CHST15: variants seen among roughly 807,000 people sequenced by gnomAD.
CHST15 encodes the protein B cell RAG associated protein (GALNAC4S-6ST).
A neutral mutation model predicts 53.6 loss-of-function variants in CHST15; 30 were observed. The ratio of observed to expected loss-of-function variants is 0.56; its 90% CI spans 0.42 to 0.76. CHST15 has a LOEUF of 0.76. Among genes scored for constraint, CHST15 ranks in the 30% least tolerant of loss-of-function variants. The pLI is 0.00. For synonymous variants in CHST15, 296 were observed against 289.8 expected (o/e 1.02, Z -0.22); for missense variants, 627 against 740.5 (o/e 0.85, Z 1.78).
intron 1 of CHST15, among the ~76,000 whole-genome samples, chr10:124,048,867 A>G (rs781491945): frequency 6.6e-6 from 1 of 152,204 alleles, no homozygotes; most frequent in Non-Finnish European, 1.5e-5. Context: ...TTCCTAAACA[A>G]GGGCAGGGGC....
chr10:124,012,524 C>A, intron 6 of CHST15, 44 bp from the exon 7 acceptor site: 1 of 1,586,350 alleles, frequency 6.3e-7, no homozygotes, highest in Non-Finnish European at 8.6e-7. Context: ...GCAGTTGCCC[C>A]AACACCATAG....
At chr10:124,015,800 C>G (rs554470586) in intron 6 of CHST15, among the ~76,000 whole-genome samples, 1 of 152,306 alleles carries the variant, frequency 6.6e-6, no homozygotes, top group East Asian at 1.9e-4. Context: ...CAGACTTCCG[C>G]GATCACCTTG....
intron 1 of CHST15, among the ~76,000 whole-genome samples, chr10:124,060,261 T>G (rs1473421316): frequency 7.0e-6 from 1 of 142,226 alleles, no homozygotes; most frequent in African/African-American, 2.7e-5. Context: ...CCCCCAGGAG[T>G]GTGCAGAAGT....
At chr10:124,065,306 C>G (rs545340984) in intron 1 of CHST15, among the ~76,000 whole-genome samples, 1 of 152,266 alleles carries the variant, frequency 6.6e-6, no homozygotes, top group South Asian at 2.1e-4. Flanking sequence ...TCTCTTGAAC[C>G]AGGAGATCCA....
chr10:124,041,899 T>C (rs560686419), intron 4 of CHST15, among the ~76,000 whole-genome samples: 109 of 152,228 alleles, frequency 7.2e-4, no homozygotes, highest in South Asian at 6.2e-3. Flanking sequence ...TGGCCAGGGA[T>C]TACAAAAGCC....
rs1235760879 is a variant in CHST15 at position 124,019,080 on chromosome 10, A to T, written c.1347+2176T>A. Among the ~76,000 whole-genome samples, 1 of 152,184 alleles carries T rather than the reference A, an allele frequency of 6.6e-6. No homozygotes were observed. Among genetic ancestry groups the T allele is most frequent in the Non-Finnish European group, 1.5e-5 (1 of 68,034 alleles). The stretch of plus-strand genomic sequence containing the variant: ...TGAAGGTCCTCCATGCGAGGCCTGC[A>T]GGATGGAAGAGCCACCTGCACCAGG... On this transcript the variant is annotated intron_variant, in intron 6 of 7. Coordinates refer to ENST00000435907, the MANE Select transcript of CHST15 (RefSeq NM_001270764.2). The surrounding 1 kb of genome is among the most constrained non-coding windows in gnomAD (Gnocchi z 4.6).
At chr10:124,086,975 G>A (rs992743212) in intron 1 of CHST15, among the ~76,000 whole-genome samples, 1 of 152,138 alleles carries the variant, frequency 6.6e-6, no homozygotes, top group Non-Finnish European at 1.5e-5. Flanking sequence ...TCTAACACCT[G>A]GGCTAAAAGA....
At chr10:124,039,530 G>A (rs1442051218) in intron 4 of CHST15, among the ~76,000 whole-genome samples, 2 of 152,240 alleles carry the variant, frequency 1.3e-5, no homozygotes, top group African/African-American at 2.4e-5. Context: ...TGTCTCCTGC[G>A]AGGCGACTGC....
rs773346540 is a variant in CHST15 at position 124,042,253 on chromosome 10, G to A, written c.1033+48C>T. 3.3e-5 allele frequency: 52 copies of A among 1,566,572 alleles called. 1 individual carries two copies. The South Asian group carries it at 5.8e-4, about 17-fold the overall frequency. On this transcript the variant is annotated intron_variant, in intron 4 of 7. Transcript: ENST00000435907. ...GGGCTAGGCCTGGAGCCAGAGCCAG[G>A]ACCCCAGGGAGGGTGCTAGCCCTGC...
intron 1 of CHST15, among the ~76,000 whole-genome samples, chr10:124,082,885 C>A (rs1442602388): frequency 2.0e-5 from 3 of 152,128 alleles, no homozygotes; most frequent in Non-Finnish European, 4.4e-5. Context: ...TGGACAGAGA[C>A]AAGAAGTAGA....
intron 1 of CHST15, among the ~76,000 whole-genome samples, chr10:124,051,826 A>G (rs1948210671): frequency 6.6e-6 from 1 of 152,220 alleles, no homozygotes; most frequent in African/African-American, 2.4e-5. Flanking sequence ...ACCCAGAAAT[A>G]CCACTTTAGA....
chr10:124,062,509 G>C (rs186472393), intron 1 of CHST15, among the ~76,000 whole-genome samples: 1 of 152,106 alleles, frequency 6.6e-6, no homozygotes, highest in East Asian at 1.9e-4. Context: ...GGAGATTAAC[G>C]GCAGTACCGA....
At chr10:124,020,235 G>A (rs1946725929) in intron 6 of CHST15, 1 of 985,490 alleles carries the variant, frequency 1.0e-6, no homozygotes, top group Non-Finnish European at 1.2e-6. Flanking sequence ...GTATGACAAA[G>A]CAACTGAGTC....
At chr10:124,083,024 C>T (rs1564916076) in intron 1 of CHST15, among the ~76,000 whole-genome samples, 1 of 152,186 alleles carries the variant, frequency 6.6e-6, no homozygotes, top group South Asian at 2.1e-4. Flanking sequence ...AGTGGTTGCA[C>T]GTATCTGTCA....
chr10:124,042,627 G>A (rs771419599), intron 3 of CHST15, among the ~76,000 whole-genome samples, 180 bp from the exon 4 acceptor site: 6 of 152,148 alleles, frequency 3.9e-5, no homozygotes, highest in Admixed American at 2.0e-4. Context: ...GGGTCTATGC[G>A]GCCTGGCTAC....
intron 3 of CHST15, 86 bp from the exon 4 acceptor site, chr10:124,042,533 T>A (rs1055952112): frequency 2.7e-6 from 4 of 1,490,070 alleles, no homozygotes; most frequent in Non-Finnish European, 9.2e-7. Context: ...CAAAGAGAGA[T>A]GGAAAGGCCT....
At chr10:124,045,137 A>AAAAAAAAAAC (rs1947944317) in intron 2 of CHST15, among the ~76,000 whole-genome samples, 1 of 144,366 alleles carries the variant, frequency 6.9e-6, no homozygotes, top group Non-Finnish European at 1.5e-5. Context: ...AAAAAAAAAA[A>AAAAAAAAAAC]AAAAAAACTT....
intron 1 of CHST15, among the ~76,000 whole-genome samples, chr10:124,063,318 G>T (rs559020746): frequency 6.9e-4 from 105 of 152,268 alleles, no homozygotes; most frequent in African/African-American, 2.4e-3. Flanking sequence ...AGGAGGTGGA[G>T]GTTGCAGTGA....
chr10:124,078,828 T>C (rs1020969792), intron 1 of CHST15, among the ~76,000 whole-genome samples: 5 of 152,222 alleles, frequency 3.3e-5, no homozygotes, highest in African/African-American at 9.6e-5. Flanking sequence ...CCAGTGTCAG[T>C]TTCCTGGCTT....
Sources: gnomAD v4.1 joint callset for allele counts (sites outside exome capture counted in the v4.1 genomes callset) on GRCh38, gnomAD v4.1.1 for gene constraint, Gnocchi (gnomAD v3.1) non-coding constraint, MANE v1.5 for transcripts, NCBI Gene and HGNC (gene_info 2026-07-23, HGNC 2026-07-21) for gene names.